PIK3C2G: variants seen among roughly 807,000 people sequenced by gnomAD.
PIK3C2G encodes the protein phosphatidylinositol-4-phosphate 3-kinase catalytic subunit type 2 gamma, also known as phosphatidylinositol 3-kinase C2 domain-containing subunit gamma.
Under a neutral mutation model 181.1 loss-of-function variants are expected in PIK3C2G, and 168 were observed. That is an observed-to-expected ratio of 0.93 (90% CI 0.82 to 1.05). The LOEUF (loss-of-function observed/expected upper bound fraction) is 1.05. Ranked by LOEUF, PIK3C2G falls within the 50% of genes least tolerant of loss-of-function variation. The pLI is 0.00. For synonymous variants in PIK3C2G, 573 were observed against 592.2 expected, an observed-to-expected ratio of 0.97 and a Z score of 0.47; for missense variants, 1,869 against 1,732.8, an observed-to-expected ratio of 1.08 and a Z score of -1.40.
At chr12:18,532,764 G>C (rs969487717) in intron 24 of PIK3C2G, among the ~76,000 whole-genome samples, 2 of 152,132 alleles carry the variant, frequency 1.3e-5, no homozygotes, top group Non-Finnish European at 2.9e-5. Context: ...TCACAGTCTG[G>C]TAGGAGTGGG....
chr12:18,621,011 G>C (rs921377073), intron 31 of PIK3C2G, among the ~76,000 whole-genome samples: 1 of 151,856 alleles, frequency 6.6e-6, no homozygotes, highest in Non-Finnish European at 1.5e-5. Flanking sequence ...TTTTCAATCT[G>C]TCTTCTCCCT....
chr12:18,611,584 TATA>T (rs1428060963), intron 31 of PIK3C2G, among the ~76,000 whole-genome samples: 1 of 152,030 alleles, frequency 6.6e-6, no homozygotes, highest in Non-Finnish European at 1.5e-5. Flanking sequence ...CTAGTATAAG[TATA>T]ATAAGTGTCT....
chr12:18,543,600 C>A (rs998551680), intron 25 of PIK3C2G, among the ~76,000 whole-genome samples: 1 of 151,978 alleles, frequency 6.6e-6, no homozygotes, highest in Admixed American at 6.6e-5. Context: ...CTTCAATCTT[C>A]TGCATATGGC....
chr12:18,548,364 C>T lies in PIK3C2G; in HGVS notation c.3590+1932C>T, dbSNP rs147884120. On this transcript the variant is annotated intron_variant, in intron 26 of 32. Transcript: ENST00000538779. ...GTGCTGTAGCTTACTATTAGTCCCT[C>T]CTGAAAAAGGAAATGCCATATATGT... 4.1e-3 allele frequency among the ~76,000 whole-genome samples: 630 copies of T among 152,100 alleles called. 7 individuals carry two copies. The highest frequency in any genetic ancestry group is 0.014 in the Middle Eastern group (4 of 294).
chr12:18,278,966 A>T (rs1949098163), intron 1 of PIK3C2G, among the ~76,000 whole-genome samples: 1 of 152,022 alleles, frequency 6.6e-6, no homozygotes, highest in African/African-American at 2.4e-5. Context: ...ATGATAATGA[A>T]ATTTTTTCAG....
intron 9 of PIK3C2G, among the ~76,000 whole-genome samples, chr12:18,339,479 C>A (rs576660103): frequency 3.2e-4 from 48 of 152,130 alleles, no homozygotes; most frequent in South Asian, 2.3e-3. Context: ...TGAACCTAGG[C>A]CTCTACACAC....
At chr12:18,507,697 C>A (rs946515902) in intron 24 of PIK3C2G, among the ~76,000 whole-genome samples, 6 of 151,894 alleles carry the variant, frequency 4.0e-5, no homozygotes, top group African/African-American at 1.5e-4. Flanking sequence ...ATGTTTTGTA[C>A]ACTGGCAATT....
At chr12:18,267,560 A>G (rs1475472517) in intron 1 of PIK3C2G, among the ~76,000 whole-genome samples, 1 of 152,166 alleles carries the variant, frequency 6.6e-6, no homozygotes, top group Non-Finnish European at 1.5e-5. Context: ...TGACTCATAA[A>G]TAATGTCTGC....
At chr12:18,362,687 C>T in intron 11 of PIK3C2G, 77 bp from the exon 12 acceptor site, 3 of 1,072,072 alleles carry the variant, frequency 2.8e-6, no homozygotes, top group Non-Finnish European at 3.8e-6. Flanking sequence ...CTTTTGACTA[C>T]AAAAATAATT....
chr12:18,263,193 T>A (rs565444403), intron 1 of PIK3C2G, among the ~76,000 whole-genome samples: 2 of 152,230 alleles, frequency 1.3e-5, no homozygotes, highest in East Asian at 3.9e-4. Flanking sequence ...TCTAATTTTA[T>A]TGTGGTTTTT....
chr12:18,548,452 A>T (rs1187544024), intron 26 of PIK3C2G, among the ~76,000 whole-genome samples: 2 of 152,046 alleles, frequency 1.3e-5, no homozygotes, highest in Admixed American at 1.3e-4. Context: ...GGCTTTATTC[A>T]TCTGCCAGAA....
intron 18 of PIK3C2G, among the ~76,000 whole-genome samples, chr12:18,428,811 G>A (rs1377129661): frequency 6.6e-6 from 1 of 152,158 alleles, no homozygotes; most frequent in African/African-American, 2.4e-5. Flanking sequence ...TTACCTCACA[G>A]TTTGCATCCT....
chr12:18,570,882 T>TAG (rs1485338161), intron 29 of PIK3C2G, among the ~76,000 whole-genome samples: 1 of 150,832 alleles, frequency 6.6e-6, no homozygotes, highest in East Asian at 1.9e-4. Context: ...CTGTCAAAGA[T>TAG]GACTAAGAGT....
At chr12:18,665,020 G>C in the PIK3C2G span, among the ~76,000 whole-genome samples, 3 of 104,294 alleles carry the variant, frequency 2.9e-5, no homozygotes, top group Non-Finnish European at 5.5e-5. Context: ...GGTGGGGGGA[G>C]GGGGGAGGGA....
intron 18 of PIK3C2G, among the ~76,000 whole-genome samples, chr12:18,437,941 C>T (rs1000482535): frequency 2.6e-5 from 4 of 151,822 alleles, no homozygotes; most frequent in African/African-American, 7.2e-5. Flanking sequence ...TATCTATTCT[C>T]CCAGTTTTTG....
chr12:18,500,589 G>C (rs1447776782), intron 22 of PIK3C2G, among the ~76,000 whole-genome samples: 1 of 152,216 alleles, frequency 6.6e-6, no homozygotes, highest in Admixed American at 6.5e-5. Flanking sequence ...GATCCACTGG[G>C]TGACGCCAGC....
intron 18 of PIK3C2G, among the ~76,000 whole-genome samples, chr12:18,487,665 C>T (rs574092664): frequency 7.6e-4 from 116 of 152,168 alleles, no homozygotes; most frequent in African/African-American, 2.5e-3. Flanking sequence ...TTTCTCACTT[C>T]GTCGTGATTT....
the PIK3C2G span, among the ~76,000 whole-genome samples, chr12:18,701,047 C>T: frequency 6.6e-6 from 1 of 151,374 alleles, no homozygotes; most frequent in Non-Finnish European, 1.5e-5. Flanking sequence ...TGCAATGGCT[C>T]GATCTCGGCT....
chr12:18,277,761 C>A (rs1052484334), intron 1 of PIK3C2G, among the ~76,000 whole-genome samples: 2 of 152,012 alleles, frequency 1.3e-5, no homozygotes, highest in Admixed American at 1.3e-4. Context: ...GATATTTACA[C>A]CTTTATAGAT....
Sources: gnomAD v4.1 joint callset for allele counts (sites outside exome capture counted in the v4.1 genomes callset) on GRCh38, gnomAD v4.1.1 for gene constraint, MANE v1.5 for transcripts, NCBI Gene and HGNC (gene_info 2026-07-23, HGNC 2026-07-21) for gene names.